Variants in SPON1 observed in about 807,000 individuals in gnomAD.
SPON1 encodes the protein spondin 1.
SPON1 carries 52 observed loss-of-function variants against 111.7 expected under a neutral mutation model. The ratio of observed to expected loss-of-function variants is 0.47; its 90% CI spans 0.37 to 0.59. The LOEUF is 0.59. SPON1 is among the 20% of genes least tolerant of loss of function. The probability of loss-of-function intolerance (pLI) is 0.00; values close to 1 mark genes in which losing one functional copy is unlikely to be tolerated. For missense variants in SPON1, 957 were observed against 1,068.5 expected, an observed-to-expected ratio of 0.90 and a Z score of 1.46; for synonymous variants, 410 against 395.8, an observed-to-expected ratio of 1.04 and a Z score of -0.43.
chr11:14,010,362 G>A (rs1211523815), intron 2 of SPON1, among the ~76,000 whole-genome samples: 1 of 152,076 alleles, frequency 6.6e-6, no homozygotes, highest in African/African-American at 2.4e-5. Context: ...ATTAAGGGCA[G>A]ACTGGGAGCT....
At chr11:14,181,180 A>T (rs1303744316) in intron 6 of SPON1, among the ~76,000 whole-genome samples, 3 of 152,224 alleles carry the variant, frequency 2.0e-5, no homozygotes, top group Non-Finnish European at 4.4e-5. Flanking sequence ...TTTCAACTAG[A>T]TTCCTTACAC....
rs1849101657 is a variant in SPON1 at position 14,255,869 on chromosome 11, C to T, written c.1233+82C>T. The T allele has an allele frequency of 5.6e-6, 8 of 1,431,878 alleles. 1 individual carries two copies. In the East Asian group the frequency reaches 2.0e-4, roughly 35 times the overall value. The allele number at this position is 1,431,878 out of a possible 1,614,324, so 88.7% of individuals were successfully genotyped here. ...ATTGTACACCCTTCTGCTCTAGAAT[C>T]ATAGAGTCACTGGCAGAAAGCACCT... On this transcript the variant is annotated intron_variant, in intron 9 of 15. Coordinates refer to ENST00000576479, the MANE Select transcript of SPON1 (RefSeq NM_006108.4).
At chr11:14,165,913 A>G (rs1020939930) in intron 6 of SPON1, among the ~76,000 whole-genome samples, 3 of 152,214 alleles carry the variant, frequency 2.0e-5, no homozygotes, top group Non-Finnish European at 4.4e-5. Context: ...GAAGACTCTC[A>G]GATAAGACTT....
chr11:14,212,016 G>A (rs1413267189), intron 6 of SPON1, among the ~76,000 whole-genome samples: 1 of 151,938 alleles, frequency 6.6e-6, no homozygotes, highest in Non-Finnish European at 1.5e-5. Flanking sequence ...AGTTAAGGTA[G>A]TAAATAGTAT....
chr11:14,003,073 G>A (rs1340223332), intron 2 of SPON1, among the ~76,000 whole-genome samples: 5 of 152,114 alleles, frequency 3.3e-5, no homozygotes, highest in South Asian at 2.1e-4. Context: ...CGCGTTGTCC[G>A]TGCACACTCC....
chr11:14,113,680 G>A (rs1849244630), intron 5 of SPON1, among the ~76,000 whole-genome samples: 1 of 130,172 alleles, frequency 7.7e-6, no homozygotes, highest in South Asian at 2.5e-4. Context: ...TCGGCTCACT[G>A]CAAGCTCCGC....
intron 3 of SPON1, among the ~76,000 whole-genome samples, chr11:14,065,814 C>A (rs545703484): frequency 6.6e-6 from 1 of 152,202 alleles, no homozygotes; most frequent in Admixed American, 6.5e-5. Context: ...AACAAAATTT[C>A]ATCATCCTAA....
intron 6 of SPON1, among the ~76,000 whole-genome samples, chr11:14,164,740 T>C (rs542138956): frequency 8.5e-5 from 13 of 152,090 alleles, no homozygotes; most frequent in African/African-American, 3.1e-4. Context: ...TAAATCAGCC[T>C]CCCCTAGCAG....
At chr11:14,088,001 CT>C (rs1172683083) in intron 5 of SPON1, among the ~76,000 whole-genome samples, 1 of 151,858 alleles carries the variant, frequency 6.6e-6, no homozygotes, top group Non-Finnish European at 1.5e-5. Context: ...TCCTCCATCC[CT>C]TTTTTTTGAG....
intron 6 of SPON1, among the ~76,000 whole-genome samples, chr11:14,209,151 C>A (rs1360451889): frequency 1.3e-5 from 2 of 152,122 alleles, no homozygotes; most frequent in African/African-American, 4.8e-5. Context: ...TGCATAGTTG[C>A]ACCATTGCCT....
At position 14,065,857 on chromosome 11, in the gene SPON1, A is replaced by G. The variant is rs554767984; in HGVS notation, c.480-9488A>G. 3.9e-5 allele frequency among the ~76,000 whole-genome samples: 6 copies of G among 152,330 alleles called. No individual in the cohort carries two copies. The South Asian group carries it at 6.2e-4, about 16-fold the overall frequency. On this transcript the variant is annotated intron_variant, in intron 3 of 15. Coordinates refer to ENST00000576479, the MANE Select transcript of SPON1 (RefSeq NM_006108.4). ...CTGCAAACCCTATGTTAAGAACTCC[A>G]GGTTTGATAAGCCTTGGCCAGATCC...
chr11:14,230,608 G>A (rs1554938585), intron 6 of SPON1, among the ~76,000 whole-genome samples: 1 of 152,102 alleles, frequency 6.6e-6, no homozygotes, highest in Non-Finnish European at 1.5e-5. Context: ...AAGCCCATTG[G>A]GTCTAGAGGT....
intron 6 of SPON1, among the ~76,000 whole-genome samples, chr11:14,187,350 T>G (rs186142721): frequency 3.5e-4 from 54 of 152,218 alleles, no homozygotes; most frequent in Middle Eastern, 3.4e-3. Flanking sequence ...CAGGGTGAGA[T>G]TTGAACCCCA....
chr11:14,160,536 TA>T (rs1847909106), intron 6 of SPON1, among the ~76,000 whole-genome samples: 1 of 9,412 alleles, frequency 1.1e-4, no homozygotes, highest in Non-Finnish European at 1.5e-4. Context: ...TATATATATT[TA>T]TATATATATT....
At chr11:14,182,880 C>T (rs1848249533) in intron 6 of SPON1, among the ~76,000 whole-genome samples, 2 of 152,120 alleles carry the variant, frequency 1.3e-5, no homozygotes, top group African/African-American at 4.8e-5. Context: ...CCTTTGGCTC[C>T]TCTTAGCAAG....
intron 6 of SPON1, among the ~76,000 whole-genome samples, chr11:14,238,766 A>G (rs1331629340): frequency 5.3e-5 from 8 of 152,206 alleles, no homozygotes; most frequent in Non-Finnish European, 1.5e-5. Context: ...TATCCCCACA[A>G]TATGCTTACA....
Position 14,259,563 on chromosome 11 carries a change from G to C in SPON1, c.1693G>C (p.Gly565Arg). 5.2e-6 allele frequency: 8 copies of C among 1,552,880 alleles called. No individual in the cohort carries two copies. Among genetic ancestry groups the C allele is most frequent in the Non-Finnish European group, 7.0e-6 (8 of 1,148,436 alleles). Residue 565 changes from glycine (G) to arginine (R), a missense_variant, in exon 13 of 16, where the codon GGC (glycine) becomes CGC (arginine). Physicochemically the swap from Gly to Arg is moderately radical, Grantham distance 125 (BLOSUM62 -2). Transcript: ENST00000576479. The surrounding 1 kb of genome is among the most constrained non-coding windows in gnomAD (Gnocchi z 5.0). ...CAGCAGCTGCCTGATGACCGAGTGG[G>C]GCGAGTGGGACGAGTGCAGCGCCAC... ...SPSSCLMTEWGEWDECSATCG... is the reference protein window; with the variant it reads ...SPSSCLMTEWREWDECSATCG...
At chr11:14,007,685 G>A (rs1034172765) in intron 2 of SPON1, among the ~76,000 whole-genome samples, 1 of 152,098 alleles carries the variant, frequency 6.6e-6, no homozygotes, top group South Asian at 2.1e-4. Context: ...ACCATCACAG[G>A]AGGTGAAGCT....
At chr11:14,218,617 G>A (rs1419277707) in intron 6 of SPON1, among the ~76,000 whole-genome samples, 3 of 152,154 alleles carry the variant, frequency 2.0e-5, no homozygotes. Flanking sequence ...TACCCTAGCA[G>A]CCAGTATATT....
Sources: gnomAD v4.1 joint callset for allele counts (sites outside exome capture counted in the v4.1 genomes callset) on GRCh38, gnomAD v4.1.1 for gene constraint, Gnocchi (gnomAD v3.1) non-coding constraint, MANE v1.5 for transcripts, NCBI Gene and HGNC (gene_info 2026-07-23, HGNC 2026-07-21) for gene names.